NUP93: variants seen among roughly 807,000 people sequenced by gnomAD.
The protein encoded by NUP93 is nuclear pore complex protein Nup93.
A neutral mutation model predicts 107.8 loss-of-function variants in NUP93; 55 were observed. The observed-to-expected ratio is 0.51, with a 90% CI of 0.41 to 0.64. The LOEUF is 0.64. Among genes scored for constraint, NUP93 ranks in the 30% least tolerant of loss-of-function variants. NUP93 has a pLI of 0.00. For missense variants in NUP93, 937 were observed against 1,044.7 expected (o/e 0.90, Z 1.42); for synonymous variants, 390 against 397.5 (o/e 0.98, Z 0.22).
intron 1 of NUP93, among the ~76,000 whole-genome samples, chr16:56,744,796 T>G (rs1174326446): frequency 2.6e-5 from 4 of 152,230 alleles, no homozygotes; most frequent in African/African-American, 9.6e-5. Flanking sequence ...CACTGCCTTA[T>G]GCTGTGCTGC....
intron 3 of NUP93, among the ~76,000 whole-genome samples, chr16:56,795,469 C>G (rs1012994465): frequency 2.6e-5 from 4 of 151,976 alleles, no homozygotes; most frequent in African/African-American, 7.3e-5. Flanking sequence ...TCTGAATGAA[C>G]CATGTGGGTT....
intron 5 of NUP93, among the ~76,000 whole-genome samples, chr16:56,817,929 C>T (rs779434354): frequency 3.3e-5 from 5 of 152,146 alleles, no homozygotes; most frequent in African/African-American, 4.8e-5. Flanking sequence ...CACACAATGA[C>T]GAAATCTCCT....
chr16:56,806,963 C>T (rs13337111), intron 5 of NUP93, among the ~76,000 whole-genome samples: 3,939 of 152,268 alleles, frequency 0.026, 174 homozygotes, highest in African/African-American at 0.088. Context: ...GCAGCAAGAA[C>T]GCAACTATTA....
chr16:56,742,095 A>G (rs1190247041), intron 1 of NUP93, among the ~76,000 whole-genome samples: 3 of 152,256 alleles, frequency 2.0e-5, no homozygotes, highest in Non-Finnish European at 4.4e-5. Context: ...CATTATACTT[A>G]CAAAGAGCAG....
At chr16:56,761,094 A>G (rs757805172) in intron 3 of NUP93, among the ~76,000 whole-genome samples, 9 of 152,228 alleles carry the variant, frequency 5.9e-5, no homozygotes, top group Admixed American at 6.5e-5. Flanking sequence ...ACCTGAAGTA[A>G]AAGTTTAAGG....
At chr16:56,814,644 T>A (rs1354771411) in intron 5 of NUP93, among the ~76,000 whole-genome samples, 1 of 152,248 alleles carries the variant, frequency 6.6e-6, no homozygotes, top group Non-Finnish European at 1.5e-5. Flanking sequence ...ATGGCTGTCT[T>A]GGGAACACCA....
intron 3 of NUP93, among the ~76,000 whole-genome samples, chr16:56,796,191 C>CATTATGTAATGT: frequency 6.6e-6 from 1 of 152,294 alleles, no homozygotes; most frequent in Admixed American, 6.5e-5. Flanking sequence ...ACTAATGTGC[C>CATTATGTAATGT]ACATAATGAT....
chr16:56,759,114 T>C (rs2144483512), intron 3 of NUP93, among the ~76,000 whole-genome samples: 1 of 152,342 alleles, frequency 6.6e-6, no homozygotes, highest in South Asian at 2.1e-4. Flanking sequence ...TTCCAAGAAG[T>C]GTTTGGCTGC....
At chr16:56,783,297 A>C (rs1198955616) in intron 3 of NUP93, 1 of 167,876 alleles carries the variant, frequency 6.0e-6, no homozygotes, top group Non-Finnish European at 1.2e-5. Flanking sequence ...GACTTTCTTT[A>C]CTCTTAACAA....
Position 56,821,289 on chromosome 16 carries a change from C to G in NUP93, c.565-215C>G, listed in dbSNP as rs114406181. Among the ~76,000 whole-genome samples, 885 of 152,246 alleles carry G rather than the reference C, an allele frequency of 5.8e-3. 11 individuals are homozygous for G. The highest frequency in any genetic ancestry group is 0.02 in the African/African-American group (817 of 41,538). On this transcript the variant is annotated intron_variant, in intron 6 of 21. Transcript: ENST00000308159. ...TTCTCCCCCTGGACCCCGCTGCTCCCGTTCCTCAGGTGTTTGGAAGGTGGG... is the reference window on the plus strand; with the variant it reads ...TTCTCCCCCTGGACCCCGCTGCTCCGGTTCCTCAGGTGTTTGGAAGGTGGG...
At chr16:56,750,676 C>T (rs1229228753) in intron 2 of NUP93, among the ~76,000 whole-genome samples, 1 of 152,162 alleles carries the variant, frequency 6.6e-6, no homozygotes, top group Non-Finnish European at 1.5e-5. Context: ...TATTGGAACA[C>T]AGCCAGGCTT....
At chr16:56,806,585 A>G (rs974142317) in intron 5 of NUP93, among the ~76,000 whole-genome samples, 29 of 152,232 alleles carry the variant, frequency 1.9e-4, no homozygotes, top group African/African-American at 6.5e-4. Flanking sequence ...GGTCATTCAC[A>G]TGGCTGTTGG....
chr16:56,772,717 G>T (rs1962345402), intron 3 of NUP93, among the ~76,000 whole-genome samples: 1 of 152,188 alleles, frequency 6.6e-6, no homozygotes, highest in Non-Finnish European at 1.5e-5. Flanking sequence ...AGTTTTATTT[G>T]TCTAGCCAGT....
At chr16:56,841,615 G>A in intron 20 of NUP93, 90 bp from the exon 21 acceptor site, 1 of 1,524,852 alleles carries the variant, frequency 6.6e-7, no homozygotes, top group Non-Finnish European at 8.9e-7. Context: ...GTGCAACCAG[G>A]CCTGCCTGGA....
chr16:56,731,333 A>G (rs1334142667), intron 1 of NUP93, among the ~76,000 whole-genome samples: 4 of 151,772 alleles, frequency 2.6e-5, no homozygotes, highest in African/African-American at 4.8e-5. Flanking sequence ...CATCTCAATA[A>G]TAGGAAAGAC....
At position 56,846,060 on chromosome 16, in the gene NUP93, G is replaced by A. The variant is rs1381923424; in HGVS notation, c.*1451G>A. On this transcript the variant is annotated 3_prime_UTR_variant, in exon 22 of 22. Transcript: ENST00000308159. ...CAGAGGCCTTGATTTAGCAAGTTGT[G>A]CCCTGCTTATATGTGCTGATTTAAG... 6.6e-6 allele frequency: 1 copy of A among 152,118 alleles called. No individual in the cohort carries two copies. The highest frequency in any genetic ancestry group is 2.4e-5 in the African/African-American group (1 of 41,404). 9.4% of individuals were successfully genotyped at this position (152,118 alleles called of 1,614,324 possible). A position where few individuals can be genotyped will look rare whatever the true frequency, so the allele number is the denominator to read the frequency against.
intron 5 of NUP93, among the ~76,000 whole-genome samples, chr16:56,807,525 T>C (rs1396050652): frequency 6.6e-6 from 1 of 152,232 alleles, no homozygotes; most frequent in Non-Finnish European, 1.5e-5. Flanking sequence ...CCTGGAATAC[T>C]GTAGATGCTC....
Position 56,844,196 on chromosome 16 carries a change from A to G in NUP93, c.2350-303A>G, listed in dbSNP as rs75647908. ...CAGTTCTGAAGCTCAGGGCTGTGTC[A>G]AAAGCTAGCCAAATGTGTTGGGGCG... On this transcript the variant is annotated intron_variant, in intron 21 of 21. Transcript: ENST00000308159. Among the ~76,000 whole-genome samples, 256 of 152,334 alleles carry G rather than the reference A, an allele frequency of 1.7e-3. 8 individuals carry two copies. The East Asian group carries it at 0.043, about 25-fold the overall frequency.
At chr16:56,767,581 T>A (rs1463415181) in intron 3 of NUP93, among the ~76,000 whole-genome samples, 1 of 152,198 alleles carries the variant, frequency 6.6e-6, no homozygotes, top group Non-Finnish European at 1.5e-5. Context: ...AAAAATAGTC[T>A]ATTTTAAAAT....
Sources: gnomAD v4.1 joint callset for allele counts (sites outside exome capture counted in the v4.1 genomes callset) on GRCh38, gnomAD v4.1.1 for gene constraint, MANE v1.5 for transcripts, NCBI Gene and HGNC (gene_info 2026-07-23, HGNC 2026-07-21) for gene names.